The following LGSN variants were observed in gnomAD, a reference collection of about 807,000 sequenced individuals.
LGSN encodes the protein lengsin.
In LGSN, 21 loss-of-function variants were observed where a neutral mutation model predicts 19.5. That is an observed-to-expected ratio of 1.07 (90% CI 0.76 to 1.55). The LOEUF (loss-of-function observed/expected upper bound fraction) is 1.55. Ranked by LOEUF, LGSN falls within the 40% of genes most tolerant of loss-of-function variation. The pLI is 0.00. For synonymous variants in LGSN, 257 were observed against 215.6 expected (o/e 1.19, Z -1.68); for missense variants, 673 against 608.5 (o/e 1.11, Z -1.12).
chr6:63,359,499 C>T, the LGSN span, among the ~76,000 whole-genome samples: 2 of 152,180 alleles, frequency 1.3e-5, no homozygotes, highest in Non-Finnish European at 2.9e-5. Context: ...TAATTATTGC[C>T]TCAATTTCAG....
chr6:63,285,922 T>C (rs1438264470), intron 2 of LGSN, among the ~76,000 whole-genome samples, 169 bp from the exon 3 acceptor site: 1 of 152,166 alleles, frequency 6.6e-6, no homozygotes, highest in Non-Finnish European at 1.5e-5. Context: ...GCCTTTACCG[T>C]CTTCCCAAGA....
chr6:63,510,879 G>A, the LGSN span, among the ~76,000 whole-genome samples: 2,211 of 151,966 alleles, frequency 0.015, 47 homozygotes, highest in African/African-American at 0.05. Context: ...TCACTATGTT[G>A]GCCAGGGCTG....
chr6:63,423,122 G>A, the LGSN span, among the ~76,000 whole-genome samples: 1 of 152,110 alleles, frequency 6.6e-6, no homozygotes, highest in Non-Finnish European at 1.5e-5. Context: ...CAAGATGGGA[G>A]GATTACTTGA....
chr6:63,334,263 A>G, the LGSN span, among the ~76,000 whole-genome samples: 1 of 152,236 alleles, frequency 6.6e-6, no homozygotes, highest in African/African-American at 2.4e-5. Context: ...TAAATTCAGC[A>G]AAGTTGCAAG....
chr6:63,307,340 G>C (rs1293500372), intron 1 of LGSN, among the ~76,000 whole-genome samples: 1 of 152,110 alleles, frequency 6.6e-6, no homozygotes, highest in Non-Finnish European at 1.5e-5. Context: ...CAGCCAGTTG[G>C]CTCCAGAGCA....
At chr6:63,441,250 G>T in the LGSN span, 1 of 350,406 alleles carries the variant, frequency 2.9e-6, no homozygotes, top group Non-Finnish European at 5.8e-6. Flanking sequence ...GATTTCTGTG[G>T]CCTCACACAC....
chr6:63,513,417 ATT>A, the LGSN span, among the ~76,000 whole-genome samples: 72,226 of 150,216 alleles, frequency 0.48, 19,656 homozygotes, highest in African/African-American at 0.76. Flanking sequence ...TAAAATGGGG[ATT>A]TTTTTTTTTA....
chr6:63,408,146 C>A, the LGSN span, among the ~76,000 whole-genome samples: 1 of 152,176 alleles, frequency 6.6e-6, no homozygotes, highest in Admixed American at 6.6e-5. Context: ...ATCAAGCTAC[C>A]CATGACTTTC....
At chr6:63,299,855 C>T (rs1187513918) in intron 1 of LGSN, among the ~76,000 whole-genome samples, 1 of 152,024 alleles carries the variant, frequency 6.6e-6, no homozygotes, top group African/African-American at 2.4e-5. Flanking sequence ...GTCTACTGGT[C>T]AGAAAGGTTT....
chr6:63,280,555 A>C lies in LGSN; in HGVS notation c.996T>G (p.Ser332=), dbSNP rs1424427300. 3 of 1,614,138 alleles carry C rather than the reference A, an allele frequency of 1.9e-6. No homozygotes were observed. Among genetic ancestry groups the C allele is most frequent in the East Asian group, 4.5e-5 (2 of 44,888 alleles). The change falls in exon 4 of 4, where the codon TCT becomes TCG. Residue 332 remains serine, a synonymous_variant. Transcript: ENST00000370657. ...CAGTGATCGTGAGCTGCTCAGTTCC[A>C]GAAGTGCTGCAGAACATGTTTTTCT... ...DRKKNMFCST[S]GTEQLTITGK...
the LGSN span, among the ~76,000 whole-genome samples, chr6:63,526,186 A>C: frequency 1.3e-5 from 2 of 152,012 alleles, no homozygotes; most frequent in Non-Finnish European, 2.9e-5. Context: ...TTAGCTGGGC[A>C]TGGTGGTGGA....
chr6:63,408,893 AG>A, the LGSN span, among the ~76,000 whole-genome samples: 1 of 152,238 alleles, frequency 6.6e-6, no homozygotes, highest in East Asian at 1.9e-4. Context: ...GTAAATAATC[AG>A]GATTAAGTAT....
Position 63,280,851 on chromosome 6 carries a change from T to C in LGSN, c.700A>G (p.Asn234Asp). The C allele has an allele frequency of 6.2e-7, 1 of 1,614,010 alleles. No individual in the cohort carries two copies. Among genetic ancestry groups the C allele is most frequent in the Non-Finnish European group, 8.5e-7 (1 of 1,180,012 alleles). Residue 234 changes from asparagine to aspartate, a missense_variant, in exon 4 of 4, where the codon AAC (asparagine) becomes GAC (aspartate). Transcript: ENST00000370657. ...ISFPALTFLN[N>D]HDQPFMQELV... ...TCCTGCATGAAGGGCTGATCATGGT[T>C]ATTTAAAAATGTTAAAGCAGGAAAA...
rs1767156179 is a variant in LGSN at position 63,278,213 on chromosome 6, T to C, written c.*1808A>G. 6.6e-6 allele frequency: 1 copy of C among 152,080 alleles called. No homozygotes were observed. Among genetic ancestry groups the C allele is most frequent in the African/African-American group, 2.4e-5 (1 of 41,342 alleles). The allele number at this position is 152,080 out of a possible 1,614,324, so 9.4% of individuals were successfully genotyped here. ...CTTAATGAAGGCTCAGAAATATCAT[T>C]TCATTTTTCATTGCTTTCAAAGAAC... On this transcript the variant is annotated 3_prime_UTR_variant, in exon 4 of 4. Coordinates refer to ENST00000370657, the MANE Select transcript of LGSN (RefSeq NM_016571.3).
chr6:63,439,762 C>G, the LGSN span, among the ~76,000 whole-genome samples: 1 of 152,140 alleles, frequency 6.6e-6, no homozygotes, highest in African/African-American at 2.4e-5. Context: ...GAAAAGCTCT[C>G]CCTTTAAGTC....
At chr6:63,472,130 T>G in the LGSN span, among the ~76,000 whole-genome samples, 1 of 152,248 alleles carries the variant, frequency 6.6e-6, no homozygotes, top group Non-Finnish European at 1.5e-5. Context: ...TGCTTTTTGA[T>G]AGTGCACACA....
chr6:63,297,208 C>G (rs945078558), intron 1 of LGSN, among the ~76,000 whole-genome samples: 1 of 151,922 alleles, frequency 6.6e-6, no homozygotes, highest in East Asian at 1.9e-4. Flanking sequence ...GGCGTGGTTG[C>G]ACGTGCCTGT....
the LGSN span, among the ~76,000 whole-genome samples, chr6:63,425,294 T>A: frequency 2.0e-5 from 3 of 152,170 alleles, no homozygotes; most frequent in Non-Finnish European, 4.4e-5. Flanking sequence ...TAAAGACCAA[T>A]GTTCATGCAA....
chr6:63,360,916 G>T, the LGSN span, among the ~76,000 whole-genome samples: 2 of 152,216 alleles, frequency 1.3e-5, no homozygotes, highest in Non-Finnish European at 2.9e-5. Context: ...TTTGCCAGAG[G>T]TCCACTCCAG....
Sources: allele counts gnomAD v4.1 joint callset (sites outside exome capture counted in the v4.1 genomes callset), GRCh38; gene constraint gnomAD v4.1.1; transcripts MANE v1.5; gene names NCBI Gene and HGNC (gene_info 2026-07-23, HGNC 2026-07-21).